The following TMEM243 variants were observed in gnomAD, a reference collection of about 807,000 sequenced individuals.
TMEM243 encodes transmembrane protein 243.
Under a neutral mutation model 15.0 loss-of-function variants are expected in TMEM243, and 20 were observed. The ratio of observed to expected loss-of-function variants is 1.33; its 90% CI spans 0.94 to 1.93. TMEM243 has a LOEUF of 1.93. Among genes scored for constraint, TMEM243 ranks in the 30% most tolerant of loss-of-function variants. The pLI, the probability that TMEM243 is intolerant of heterozygous loss-of-function variation, is 0.00. For missense variants in TMEM243, 156 were observed against 142.1 expected (o/e 1.10, Z -0.50); for synonymous variants, 72 against 52.7 (o/e 1.37, Z -1.59).
At chr7:87,201,777 C>T (rs1253373441) in intron 1 of TMEM243, among the ~76,000 whole-genome samples, 1 of 152,162 alleles carries the variant, frequency 6.6e-6, no homozygotes. Context: ...CAGAAACTAG[C>T]TCTGTCTCCT....
intron 1 of TMEM243, among the ~76,000 whole-genome samples, chr7:87,202,740 C>T (rs149372924): frequency 4.7e-4 from 72 of 152,314 alleles, no homozygotes; most frequent in African/African-American, 1.5e-3. Flanking sequence ...GACCTTAACA[C>T]GGTCTAGAAA....
At chr7:87,218,542 T>C (rs1401692629) in intron 1 of TMEM243, 1 of 151,994 alleles carries the variant, frequency 6.6e-6, no homozygotes, top group Non-Finnish European at 1.5e-5. Flanking sequence ...TGCATTACCT[T>C]TGGAGAGTTG....
At chr7:87,197,915 C>CTGTT (rs761110085) in intron 3 of TMEM243, 26 bp downstream of exon 3, 27 of 1,612,638 alleles carry the variant, frequency 1.7e-5, no homozygotes, top group Non-Finnish European at 6.8e-6. Flanking sequence ...CTCAAGAACA[C>CTGTT]TGTTTAAATT....
At chr7:87,201,142 G>A (rs1801776186) in intron 1 of TMEM243, among the ~76,000 whole-genome samples, 1 of 152,208 alleles carries the variant, frequency 6.6e-6, no homozygotes, top group Admixed American at 6.5e-5. Context: ...CCCAAGATGG[G>A]ATGAACTATT....
At chr7:87,219,290 G>A in intron 1 of TMEM243, 136 bp downstream of exon 1, 1 of 782,358 alleles carries the variant, frequency 1.3e-6, no homozygotes. Flanking sequence ...ATCTTGAGAG[G>A]GAAGTGGGAT....
chr7:87,218,799 T>A (rs1418580955), intron 1 of TMEM243: 1 of 152,122 alleles, frequency 6.6e-6, no homozygotes, highest in African/African-American at 2.4e-5. Flanking sequence ...TAGAAAAAGA[T>A]CTCTCCTCAA....
chr7:87,211,113 T>C (rs1290817823), intron 1 of TMEM243, among the ~76,000 whole-genome samples: 1 of 152,216 alleles, frequency 6.6e-6, no homozygotes, highest in East Asian at 1.9e-4. Flanking sequence ...TGAAATTCCC[T>C]GGGGACATTT....
At chr7:87,200,566 C>T (rs1191845528) in intron 1 of TMEM243, among the ~76,000 whole-genome samples, 1 of 152,146 alleles carries the variant, frequency 6.6e-6, no homozygotes, top group Non-Finnish European at 1.5e-5. Flanking sequence ...GCCAATATAT[C>T]ACTAATTGCC....
chr7:87,213,149 C>G (rs1802871955), intron 1 of TMEM243, among the ~76,000 whole-genome samples: 1 of 152,202 alleles, frequency 6.6e-6, no homozygotes, highest in Non-Finnish European at 1.5e-5. Context: ...TGGGCTTACA[C>G]ACAGCAAGAG....
chr7:87,209,482 TAGTG>T lies in TMEM243; in HGVS notation c.78+9940_78+9943del, dbSNP rs1447524728. ...AGACAGAGTGAGACAGAGAGTGAGATAGTGAGAGAGAGAGAGAGAGAGTGAGAAA... is the reference window on the plus strand; with the variant it reads ...AGACAGAGTGAGACAGAGAGTGAGATAGAGAGAGAGAGAGAGAGTGAGAAA... On this transcript the variant is annotated intron_variant, in intron 1 of 3. Transcript: ENST00000257637. Among the ~76,000 whole-genome samples the T allele has an allele frequency of 2.7e-3, 309 of 112,718 alleles. 2 individuals are homozygous for T. Among genetic ancestry groups the T allele is most frequent in the Admixed American group, 8.2e-3 (95 of 11,562 alleles). 73.9% of individuals were successfully genotyped at this position (112,718 alleles called of 152,430 possible).
chr7:87,212,352 G>A (rs1050377973), intron 1 of TMEM243, among the ~76,000 whole-genome samples: 1 of 152,160 alleles, frequency 6.6e-6, no homozygotes, highest in Non-Finnish European at 1.5e-5. Flanking sequence ...CAGGGACACT[G>A]AGGTTTATCC....
At chr7:87,208,599 C>G (rs1469396439) in intron 1 of TMEM243, among the ~76,000 whole-genome samples, 1 of 152,242 alleles carries the variant, frequency 6.6e-6, no homozygotes, top group Non-Finnish European at 1.5e-5. Flanking sequence ...GCTATCCTAA[C>G]TACAAATGTC....
At chr7:87,219,358 G>A (rs1034863581) in intron 1 of TMEM243, 68 bp downstream of exon 1, 7 of 1,507,182 alleles carry the variant, frequency 4.6e-6, no homozygotes, top group Non-Finnish European at 5.5e-6. Context: ...GACGCAGCCC[G>A]GACTCCGCCA....
At chr7:87,216,533 A>T (rs1033217222) in intron 1 of TMEM243, among the ~76,000 whole-genome samples, 1 of 152,210 alleles carries the variant, frequency 6.6e-6, no homozygotes, top group Non-Finnish European at 1.5e-5. Context: ...CTGTAAAGCT[A>T]TTCCTAAATA....
intron 1 of TMEM243, among the ~76,000 whole-genome samples, chr7:87,209,689 A>AGAGAGTGAGACACAGT (rs1802536579): frequency 3.3e-5 from 2 of 61,392 alleles, no homozygotes; most frequent in Non-Finnish European, 7.0e-5. Flanking sequence ...AGACACAGCG[A>AGAGAGTGAGACACAGT]GAGAGCGAGA....
At chr7:87,201,820 C>T (rs1801831903) in intron 1 of TMEM243, among the ~76,000 whole-genome samples, 1 of 152,176 alleles carries the variant, frequency 6.6e-6, no homozygotes, top group Admixed American at 6.5e-5. Flanking sequence ...GTTCTACCTA[C>T]CATAACTTGT....
intron 1 of TMEM243, among the ~76,000 whole-genome samples, chr7:87,202,367 C>CA (rs891635293): frequency 6.6e-6 from 1 of 152,006 alleles, no homozygotes; most frequent in Non-Finnish European, 1.5e-5. Flanking sequence ...ATTGCTGTTA[C>CA]AAAAAATCAA....
In TMEM243 at chr7:87,214,150, C is replaced by T. The variant is rs182209180; in HGVS notation, c.78+5276G>A. Among the ~76,000 whole-genome samples, 55 of 152,254 alleles carry T rather than the reference C, an allele frequency of 3.6e-4. No homozygotes were observed. In the East Asian group the frequency reaches 9.8e-3, roughly 27 times the overall value. On this transcript the variant is annotated intron_variant, in intron 1 of 3. Coordinates refer to ENST00000257637, the MANE Select transcript of TMEM243 (RefSeq NM_024315.4). ...GCTATGGGATGCTGCTTTGCTTTCTCGAGAAAACCATTCTCTCCCTCTCCT... is the reference window on the plus strand; with the variant it reads ...GCTATGGGATGCTGCTTTGCTTTCTTGAGAAAACCATTCTCTCCCTCTCCT...
intron 1 of TMEM243, among the ~76,000 whole-genome samples, chr7:87,207,139 G>A (rs1802286619): frequency 1.3e-5 from 2 of 152,336 alleles, no homozygotes; most frequent in South Asian, 2.1e-4. Context: ...TGAGGTCCAC[G>A]TTTTCCTGAG....
Sources: gnomAD v4.1 joint callset for allele counts (sites outside exome capture counted in the v4.1 genomes callset) on GRCh38, gnomAD v4.1.1 for gene constraint, MANE v1.5 for transcripts, NCBI Gene and HGNC (gene_info 2026-07-23, HGNC 2026-07-21) for gene names.